Variants in DST observed in about 807,000 individuals in gnomAD.
The protein encoded by DST is dystonin, also known as bullous pemphigoid antigen.
Under a neutral mutation model 875.2 loss-of-function variants are expected in DST, and 253 were observed. The ratio of observed to expected loss-of-function variants is 0.29; its 90% CI spans 0.26 to 0.32. The LOEUF is 0.32. DST is among the 10% of genes least tolerant of loss of function. DST has a pLI of 1.00. For missense variants in DST, 8,287 were observed against 9,111.6 expected, an observed-to-expected ratio of 0.91 and a Z score of 3.68; for synonymous variants, 3,124 against 3,197.1, an observed-to-expected ratio of 0.98 and a Z score of 0.77.
intron 4 of DST, among the ~76,000 whole-genome samples, chr6:56,802,312 A>C (rs2099748072): frequency 6.6e-6 from 1 of 152,158 alleles, no homozygotes; most frequent in South Asian, 2.1e-4. Flanking sequence ...CTATGAATTT[A>C]AGTACCACTT....
rs1375932433 is a variant in DST at position 56,515,502 on chromosome 6, G to T, written c.18524C>A (p.Pro6175His). ...AGTTTCATATTCAAGGGCTGGGGCG[G>T]GAAGCTGAGAGATGATTGATTGTGT... The part of the protein sequence containing the change: ...TETQSIISQL[P>H]APALEYETLR... The change falls in exon 72 of 104, where the codon CCC becomes CAC. Residue 6175 changes from proline to histidine, a missense_variant. By Grantham distance (77) the Pro-to-His change is moderately conservative. Transcript: ENST00000680361. 6.2e-7 allele frequency: 1 copy of T among 1,613,792 alleles called. No individual in the cohort carries two copies. The highest frequency in any genetic ancestry group is 1.3e-5 in the African/African-American group (1 of 74,910).
At chr6:56,696,587 T>G (rs2099265315) in intron 9 of DST, among the ~76,000 whole-genome samples, 1 of 152,210 alleles carries the variant, frequency 6.6e-6, no homozygotes, top group African/African-American at 2.4e-5. Context: ...TTTCTCAAAC[T>G]CAGCCTCTAA....
chr6:56,626,416 A>C (rs2098735679), intron 34 of DST, among the ~76,000 whole-genome samples: 1 of 152,178 alleles, frequency 6.6e-6, no homozygotes, highest in South Asian at 2.1e-4. Context: ...AATAGATACC[A>C]TTATGTTACA....
intron 61 of DST, 44 bp from the exon 62 acceptor site, chr6:56,536,984 C>T: frequency 6.5e-7 from 1 of 1,547,264 alleles, no homozygotes; most frequent in Non-Finnish European, 8.9e-7. Flanking sequence ...TATTACCTAT[C>T]AACCGCCAAA....
chr6:56,735,403 T>G (rs2152929814), intron 4 of DST, 114 bp from the exon 5 acceptor site: 1 of 710,984 alleles, frequency 1.4e-6, no homozygotes, highest in African/African-American at 1.8e-5. Flanking sequence ...TTCAGTGTAT[T>G]CAAAGTTTCT....
At chr6:56,496,254 CA>C (rs935073102) in intron 82 of DST, among the ~76,000 whole-genome samples, 2 of 152,136 alleles carry the variant, frequency 1.3e-5, no homozygotes, top group African/African-American at 4.8e-5. Context: ...TTTAATTTCA[CA>C]GTCCCCATTT....
At position 56,553,562 on chromosome 6, in the gene DST, T is replaced by C; in HGVS notation, c.15230A>G (p.Lys5077Arg). 1 of 1,613,948 alleles carries C rather than the reference T, an allele frequency of 6.2e-7. No individual in the cohort carries two copies. The highest frequency in any genetic ancestry group is 8.5e-7 in the Non-Finnish European group (1 of 1,179,876). ...RDFQAWLDTK[K>R]EEQNKSHPIS... ...TGGATGAGATTTGTTTTGCTCTTCT[T>C]TCTTTGTATCCAGCCAAGCCTGAAA... The change falls in exon 61 of 104, where the codon AAA (lysine) becomes AGA (arginine). Residue 5077 changes from lysine to arginine, a missense_variant. Coordinates refer to ENST00000680361, the MANE Select transcript of DST (RefSeq NM_001374736.1).
chr6:56,536,989 G>T, intron 61 of DST, 49 bp from the exon 62 acceptor site: 1 of 1,508,492 alleles, frequency 6.6e-7, no homozygotes, highest in Non-Finnish European at 9.1e-7. Flanking sequence ...CCTATCAACC[G>T]CCAAATATAT....
At chr6:56,893,562 C>CTTTTTTTTTTTTTTTTTTTTT (rs1282483681) in intron 3 of DST, among the ~76,000 whole-genome samples, 10 of 35,900 alleles carry the variant, frequency 2.8e-4, no homozygotes, top group East Asian at 7.8e-4. Context: ...ACTTTTAGTT[C>CTTTTTTTTTTTTTTTTTTTTT]TTTTTTTTTT....
intron 86 of DST, among the ~76,000 whole-genome samples, 166 bp from the exon 87 acceptor site, chr6:56,487,439 T>C (rs1725713180): frequency 1.3e-5 from 2 of 152,292 alleles, no homozygotes; most frequent in African/African-American, 4.8e-5. Context: ...ACGAAAGCCA[T>C]AGGGATTCAG....
chr6:56,665,682 C>A (rs1399505626), intron 10 of DST, among the ~76,000 whole-genome samples: 1 of 152,090 alleles, frequency 6.6e-6, no homozygotes, highest in Non-Finnish European at 1.5e-5. Context: ...AACAACCAGA[C>A]ACTGGGGACT....
chr6:56,611,454 C>T, intron 38 of DST, 54 bp downstream of exon 38: 1 of 1,298,694 alleles, frequency 7.7e-7, no homozygotes, highest in South Asian at 1.2e-5. Flanking sequence ...TTGCTGAAAG[C>T]TTTTAAGAAT....
intron 8 of DST, among the ~76,000 whole-genome samples, chr6:56,700,471 A>G (rs1176760824): frequency 6.6e-6 from 1 of 152,200 alleles, no homozygotes; most frequent in Non-Finnish European, 1.5e-5. Flanking sequence ...TATCCTAACA[A>G]TTCTAACAAT....
chr6:56,619,036 C>G (rs948986432), intron 36 of DST: 2 of 1,614,066 alleles, frequency 1.2e-6, no homozygotes, highest in African/African-American at 2.7e-5. Context: ...GTTGGTCACA[C>G]TTTTGCTTAA....
At position 56,609,241 on chromosome 6, in the gene DST, C is replaced by T. The variant is rs199965129; in HGVS notation, c.5387G>A (p.Arg1796Lys). The change falls in exon 40 of 104, where the codon AGG becomes AAG. Residue 1796 changes from arginine to lysine, a missense_variant. Physicochemically the swap from Arg to Lys is conservative, Grantham distance 26. This residue lies in a region of DST where 3,138 missense variants were observed against 3,116.6 expected (regional missense o/e 1.01). Coordinates refer to ENST00000680361, the MANE Select transcript of DST (RefSeq NM_001374736.1). ...RGLIDYDTGIRLLETQLMISG... is the reference protein window; with the variant it reads ...RGLIDYDTGIKLLETQLMISG... ...AATCATTAGCTGTGTCTCAAGCAAC[C>T]TAATTCCTGTGTCATAGTCAATGAG... The T allele has an allele frequency of 5.1e-5, 82 of 1,613,592 alleles. No homozygotes were observed. In the South Asian group the frequency reaches 8.2e-4, roughly 16 times the overall value.
At chr6:56,678,595 G>T (rs940823815) in intron 9 of DST, among the ~76,000 whole-genome samples, 2 of 152,192 alleles carry the variant, frequency 1.3e-5, no homozygotes, top group African/African-American at 4.8e-5. Context: ...GGCTGTGGGA[G>T]ACCAGAAGAT....
At chr6:56,835,764 C>G (rs1174055608) in intron 4 of DST, among the ~76,000 whole-genome samples, 1 of 152,158 alleles carries the variant, frequency 6.6e-6, no homozygotes, top group East Asian at 1.9e-4. Context: ...AACCATAGCA[C>G]TGAATACAGG....
intron 2 of DST, among the ~76,000 whole-genome samples, chr6:56,938,635 A>T (rs1261976254): frequency 1.3e-5 from 2 of 152,004 alleles, no homozygotes; most frequent in Non-Finnish European, 2.9e-5. Context: ...ATACTATGTA[A>T]CTCCTCCTAT....
intron 3 of DST, among the ~76,000 whole-genome samples, chr6:56,865,927 T>A (rs1042553287): frequency 6.6e-6 from 1 of 152,172 alleles, no homozygotes; most frequent in Non-Finnish European, 1.5e-5. Context: ...TAAAATGATA[T>A]ACATAAAGTA....
Sources: gnomAD v4.1 joint callset for allele counts (sites outside exome capture counted in the v4.1 genomes callset) on GRCh38, gnomAD v4.1.1 for gene constraint, gnomAD v4.1.1 regional missense constraint, MANE v1.5 for transcripts, NCBI Gene and HGNC (gene_info 2026-07-23, HGNC 2026-07-21) for gene names.